CSMD3: variants seen among roughly 807,000 people sequenced by gnomAD.
CSMD3 encodes CUB and sushi domain-containing protein 3.
CSMD3 carries 177 observed loss-of-function variants against 435.2 expected under a neutral mutation model. The observed-to-expected ratio is 0.41, with a 90% CI of 0.36 to 0.46. The LOEUF (loss-of-function observed/expected upper bound fraction) is 0.46. Among genes scored for constraint, CSMD3 ranks in the 20% least tolerant of loss-of-function variants. The probability of loss-of-function intolerance (pLI) is 0.34; values close to 1 mark genes in which losing one functional copy is unlikely to be tolerated. For synonymous variants in CSMD3, 1,656 were observed against 1,520.5 expected, an observed-to-expected ratio of 1.09 and a Z score of -2.07; for missense variants, 4,265 against 4,504.6, an observed-to-expected ratio of 0.95 and a Z score of 1.52.
intron 16 of CSMD3, among the ~76,000 whole-genome samples, chr8:112,668,828 G>T (rs146144686): frequency 6.6e-6 from 1 of 151,452 alleles, no homozygotes; most frequent in African/African-American, 2.4e-5. Flanking sequence ...AGTGACTCTC[G>T]GGCACATGAG....
intron 3 of CSMD3, among the ~76,000 whole-genome samples, chr8:113,266,804 T>C (rs2093475601): frequency 6.6e-6 from 1 of 151,582 alleles, no homozygotes; most frequent in Admixed American, 6.6e-5. Flanking sequence ...GTACCTTGTG[T>C]TTGAAGTGGT....
Position 112,400,897 on chromosome 8 carries a change from G to T in CSMD3, c.5809+5627C>A, listed in dbSNP as rs114882298. Among the ~76,000 whole-genome samples, 1,239 of 152,208 alleles carry T rather than the reference G, an allele frequency of 8.1e-3. 17 individuals are homozygous for T. Among genetic ancestry groups the T allele is most frequent in the African/African-American group, 0.028 (1,179 of 41,532 alleles). ...GCCCTCTTCAGTTTCAGACACAAAT[G>T]GTTAATGGTTTAAAATTTATAGTCT... On this transcript the variant is annotated intron_variant, in intron 35 of 70. Coordinates refer to ENST00000297405, the MANE Select transcript of CSMD3 (RefSeq NM_198123.2).
chr8:112,509,246 C>T lies in CSMD3; in HGVS notation c.4757-2417G>A, dbSNP rs1822845685. ...CTGGGACTACAGAGGTGTGCTGCCA[C>T]ATGCAGCTAATCTTTGTATTTTTGG... is the stretch of plus-strand genomic sequence containing the variant. On this transcript the variant is annotated intron_variant, in intron 28 of 70. Coordinates refer to ENST00000297405, the MANE Select transcript of CSMD3 (RefSeq NM_198123.2). 2.6e-5 allele frequency among the ~76,000 whole-genome samples: 4 copies of T among 152,126 alleles called. No homozygotes were observed. In the South Asian group the frequency reaches 8.3e-4, roughly 31 times the overall value.
In CSMD3 at chr8:112,472,682, A is replaced by T. The variant is rs1818642305; in HGVS notation, c.5304T>A (p.Gly1768=). Reference sequence around the variant, plus strand: ...TTGGTGATAGAACAGTGCCTTCTGAACCTGTTGAACGACTTCCACAGGGCG... The same window carrying T: ...TTGGTGATAGAACAGTGCCTTCTGATCCTGTTGAACGACTTCCACAGGGCG... ...CHAPCGSRST[G]SEGTVLSPNY... is the part of the protein sequence containing the mutation. Residue 1768 remains glycine, a synonymous_variant, in exon 32 of 71, where the codon GGT becomes GGA. Coordinates refer to ENST00000297405, the MANE Select transcript of CSMD3 (RefSeq NM_198123.2). 6.2e-7 allele frequency: 1 copy of T among 1,610,580 alleles called. No individual in the cohort carries two copies. The highest frequency in any genetic ancestry group is 1.1e-5 in the South Asian group (1 of 91,018).
At chr8:113,064,225 A>G (rs2131375734) in intron 5 of CSMD3, among the ~76,000 whole-genome samples, 1 of 152,014 alleles carries the variant, frequency 6.6e-6, no homozygotes, top group East Asian at 1.9e-4. Flanking sequence ...GTTTATTCTC[A>G]AACATTGTTG....
At chr8:113,323,471 G>C (rs1005924676) in intron 1 of CSMD3, among the ~76,000 whole-genome samples, 1 of 152,140 alleles carries the variant, frequency 6.6e-6, no homozygotes, top group East Asian at 1.9e-4. Flanking sequence ...GGCTCAACCT[G>C]ATCCTGTTAG....
chr8:113,399,537 A>C (rs2094500181), intron 1 of CSMD3, among the ~76,000 whole-genome samples: 1 of 152,034 alleles, frequency 6.6e-6, no homozygotes, highest in East Asian at 1.9e-4. Flanking sequence ...ATGAAAAAAA[A>C]AAAGTTACAA....
chr8:112,648,084 G>A (rs2075030596), intron 19 of CSMD3, among the ~76,000 whole-genome samples: 1 of 152,180 alleles, frequency 6.6e-6, no homozygotes. Context: ...CTGTACACAA[G>A]CATTAGGCAA....
intron 6 of CSMD3, among the ~76,000 whole-genome samples, chr8:113,004,454 G>A (rs1482693057): frequency 6.6e-6 from 1 of 151,980 alleles, no homozygotes; most frequent in African/African-American, 2.4e-5. Context: ...AAATATGTGA[G>A]AGAAAAGAAG....
chr8:112,336,849 A>G lies in CSMD3; in HGVS notation c.6842-20T>C. The G allele has an allele frequency of 6.3e-7, 1 of 1,593,128 alleles. No individual in the cohort carries two copies. The highest frequency in any genetic ancestry group is 8.6e-7 in the Non-Finnish European group (1 of 1,161,604). ...AAAGAGCTACGGAAAAAGTCACAAA[A>G]CAAAATAATATTTTAAAATAACAAT... is the stretch of plus-strand genomic sequence containing the variant. On this transcript the variant is annotated intron_variant, in intron 43 of 70. Transcript: ENST00000297405.
chr8:112,619,234 A>G (rs773817119), intron 22 of CSMD3, among the ~76,000 whole-genome samples: 1 of 151,856 alleles, frequency 6.6e-6, no homozygotes, highest in Non-Finnish European at 1.5e-5. Flanking sequence ...CTTATTGCTA[A>G]TCACTGCTGT....
chr8:112,971,005 G>T (rs1256487726), intron 7 of CSMD3, among the ~76,000 whole-genome samples: 2 of 152,172 alleles, frequency 1.3e-5, no homozygotes, highest in African/African-American at 2.4e-5. Flanking sequence ...ACAGGCGTGG[G>T]CCACCACGCC....
At chr8:112,716,784 C>T (rs2076739122) in intron 13 of CSMD3, among the ~76,000 whole-genome samples, 2 of 152,088 alleles carry the variant, frequency 1.3e-5, no homozygotes, top group Admixed American at 6.6e-5. Context: ...CATCTACAAC[C>T]ATCTGATCTT....
intron 35 of CSMD3, among the ~76,000 whole-genome samples, chr8:112,391,536 A>G (rs1830415775): frequency 6.6e-6 from 1 of 152,126 alleles, no homozygotes; most frequent in Admixed American, 6.5e-5. Flanking sequence ...TACTAAAAAT[A>G]CAAAAATTAG....
intron 19 of CSMD3, among the ~76,000 whole-genome samples, chr8:112,649,529 T>C (rs188139756): frequency 1.3e-5 from 2 of 152,332 alleles, no homozygotes; most frequent in African/African-American, 4.8e-5. Context: ...TGAGTGTGCT[T>C]TTTGACAAGC....
At chr8:112,261,423 T>A (rs975514449) in intron 61 of CSMD3, among the ~76,000 whole-genome samples, 1 of 152,066 alleles carries the variant, frequency 6.6e-6, no homozygotes, top group Non-Finnish European at 1.5e-5. Flanking sequence ...CCAGAAAGCA[T>A]CCCTTTTCTT....
At chr8:112,694,484 G>A (rs1007533812) in intron 13 of CSMD3, among the ~76,000 whole-genome samples, 8 of 151,772 alleles carry the variant, frequency 5.3e-5, no homozygotes, top group African/African-American at 1.9e-4. Flanking sequence ...AGTGTTGAGA[G>A]TGAGTGTTAA....
chr8:113,090,980 AATAC>A (rs1476266407), intron 5 of CSMD3, among the ~76,000 whole-genome samples: 2 of 152,086 alleles, frequency 1.3e-5, no homozygotes, highest in Admixed American at 6.6e-5. Context: ...ATTAGAAAAA[AATAC>A]ATAGAGAGAG....
chr8:112,682,646 A>G lies in CSMD3; in HGVS notation c.2483-10T>C. Reference sequence around the variant, plus strand: ...TCATTATGTCCAAATGCTTTAGAATAATATGCAAAGAAAAATACACAAACA... The same window carrying G: ...TCATTATGTCCAAATGCTTTAGAATGATATGCAAAGAAAAATACACAAACA... On this transcript the variant is annotated splice_polypyrimidine_tract_variant and intron_variant, in intron 15 of 70. Coordinates refer to ENST00000297405, the MANE Select transcript of CSMD3 (RefSeq NM_198123.2). 6.3e-7 allele frequency: 1 copy of G among 1,579,520 alleles called. No homozygotes were observed. Among genetic ancestry groups the G allele is most frequent in the Middle Eastern group, 1.7e-4 (1 of 6,002 alleles).
Sources: gnomAD v4.1 joint callset for allele counts (sites outside exome capture counted in the v4.1 genomes callset) on GRCh38, gnomAD v4.1.1 for gene constraint, MANE v1.5 for transcripts, NCBI Gene and HGNC (gene_info 2026-07-23, HGNC 2026-07-21) for gene names.